BRD10: variants seen among roughly 807,000 people sequenced by gnomAD.
BRD10 encodes uncharacterized bromodomain-containing protein 10.
chr9:5,894,798 G>A, the BRD10 span, among the ~76,000 whole-genome samples: 13 of 152,234 alleles, frequency 8.5e-5, no homozygotes, highest in Admixed American at 3.3e-4. This position sits in a 1 kb window ranked among gnomAD's most constrained non-coding sequence, Gnocchi z 4.0. Flanking sequence ...ATGGGAGCCA[G>A]TGGGCAAAGG....
chr9:5,968,638 C>T, the BRD10 span: 3 of 1,613,812 alleles, frequency 1.9e-6, no homozygotes, highest in Non-Finnish European at 2.5e-6. Flanking sequence ...AGGAAGAGGG[C>T]AGGCTATCTC....
the BRD10 span, among the ~76,000 whole-genome samples, chr9:5,927,436 A>C: frequency 1.3e-5 from 2 of 152,092 alleles, no homozygotes; most frequent in Admixed American, 6.5e-5. Context: ...GACAACAACA[A>C]AACACACTCT....
At chr9:5,992,593 A>G in the BRD10 span, among the ~76,000 whole-genome samples, 1 of 152,168 alleles carries the variant, frequency 6.6e-6, no homozygotes, top group African/African-American at 2.4e-5. Context: ...TCTGTCTATT[A>G]GGGAAATCAT....
chr9:5,920,218 G>A, the BRD10 span: 8 of 1,613,394 alleles, frequency 5.0e-6, no homozygotes, highest in Non-Finnish European at 5.9e-6. Context: ...CTTGGCCACT[G>A]TTAAGAACTA....
the BRD10 span, among the ~76,000 whole-genome samples, chr9:5,918,815 CA>C: frequency 0.76 from 80,163 of 104,836 alleles, 29,782 homozygotes; most frequent in Middle Eastern, 0.85. Context: ...ACAGGTGAGT[CA>C]AAAAAAAAAA....
the BRD10 span, among the ~76,000 whole-genome samples, chr9:5,947,115 G>A: frequency 1.3e-5 from 2 of 152,066 alleles, no homozygotes; most frequent in Non-Finnish European, 2.9e-5. Context: ...GCCAAACCAC[G>A]AATGAAATCA....
chr9:5,920,087 A>C, the BRD10 span: 2 of 1,613,956 alleles, frequency 1.2e-6, no homozygotes, highest in South Asian at 2.2e-5. Context: ...TGCATTCCCA[A>C]AAGAGTTTAT....
At chr9:5,916,892 A>T in the BRD10 span, among the ~76,000 whole-genome samples, 1 of 152,276 alleles carries the variant, frequency 6.6e-6, no homozygotes, top group East Asian at 1.9e-4. Flanking sequence ...AACACAATGA[A>T]TTCAGGAATT....
the BRD10 span, among the ~76,000 whole-genome samples, chr9:5,883,645 G>C: frequency 1.4e-4 from 21 of 151,144 alleles, no homozygotes; most frequent in East Asian, 3.9e-4. Context: ...TTATTTTTTT[G>C]TACAGACAGG....
chr9:6,000,996 A>G, the BRD10 span, among the ~76,000 whole-genome samples: 1 of 151,954 alleles, frequency 6.6e-6, no homozygotes, highest in East Asian at 1.9e-4. Context: ...CTCCACATGC[A>G]CTCTTATAAT....
chr9:5,944,135 A>C, the BRD10 span, among the ~76,000 whole-genome samples: 1 of 152,258 alleles, frequency 6.6e-6, no homozygotes, highest in Non-Finnish European at 1.5e-5. Flanking sequence ...TTTAAAAAAA[A>C]CGATTTTCTT....
chr9:5,969,455 T>C, the BRD10 span: 1 of 1,425,884 alleles, frequency 7.0e-7, no homozygotes, highest in Non-Finnish European at 9.4e-7. Context: ...ATTTAACAAA[T>C]TATACTATTA....
At chr9:5,896,518 A>G in the BRD10 span, among the ~76,000 whole-genome samples, 1 of 152,300 alleles carries the variant, frequency 6.6e-6, no homozygotes, top group Non-Finnish European at 1.5e-5. Context: ...GTACTGAGCA[A>G]AAGTCTCTCC....
chr9:5,940,318 C>T, the BRD10 span, among the ~76,000 whole-genome samples: 7 of 152,082 alleles, frequency 4.6e-5, no homozygotes, highest in African/African-American at 9.7e-5. Context: ...CTCAGCCTCC[C>T]GAGTAGCTGG....
the BRD10 span, among the ~76,000 whole-genome samples, chr9:5,960,055 T>A: frequency 1.1e-4 from 17 of 152,214 alleles, no homozygotes; most frequent in South Asian, 2.1e-4. Flanking sequence ...AAGTCCTTCA[T>A]CCCTTGTAAA....
the BRD10 span, among the ~76,000 whole-genome samples, chr9:5,959,376 T>C: frequency 1.3e-5 from 2 of 152,166 alleles, no homozygotes; most frequent in East Asian, 1.9e-4. Flanking sequence ...AATCTCCATC[T>C]CAATTTTTAA....
the BRD10 span, chr9:5,968,311 G>C: frequency 4.0e-5 from 64 of 1,610,358 alleles, 2 homozygotes; most frequent in South Asian, 7.0e-4. Context: ...CATGTATTTG[G>C]CAAGATTTTA....
chr9:5,933,652 CAT>C, the BRD10 span: 1 of 390,348 alleles, frequency 2.6e-6, no homozygotes, highest in Non-Finnish European at 5.2e-6. Context: ...CTTAAGGAAT[CAT>C]AAAGGAAAAT....
chr9:5,959,229 T>C, the BRD10 span, among the ~76,000 whole-genome samples: 1 of 152,158 alleles, frequency 6.6e-6, no homozygotes, highest in Non-Finnish European at 1.5e-5. Flanking sequence ...TGTCTCGTTA[T>C]AGTTATCATC....
Sources: gnomAD v4.1 joint callset for allele counts (sites outside exome capture counted in the v4.1 genomes callset) on GRCh38, gnomAD v4.1.1 for gene constraint, Gnocchi (gnomAD v3.1) non-coding constraint, MANE v1.5 for transcripts, NCBI Gene and HGNC (gene_info 2026-07-23, HGNC 2026-07-21) for gene names.